Variants in PSD3 observed in about 807,000 individuals in gnomAD.
PSD3 encodes pleckstrin and Sec7 domain containing 3, also known as PH and SEC7 domain-containing protein 3.
PSD3 carries 49 observed loss-of-function variants against 105.5 expected under a neutral mutation model. The ratio of observed to expected loss-of-function variants is 0.46; its 90% CI spans 0.37 to 0.59. The LOEUF is 0.59. Among genes scored for constraint, PSD3 ranks in the 20% least tolerant of loss-of-function variants. The pLI is 0.00. For missense variants in PSD3, 1,561 were observed against 1,263.8 expected, an observed-to-expected ratio of 1.24 and a Z score of -3.57; for synonymous variants, 557 against 457.8, an observed-to-expected ratio of 1.22 and a Z score of -2.77.
At chr8:18,951,279 G>A (rs1225850021) in intron 1 of PSD3, among the ~76,000 whole-genome samples, 1 of 152,038 alleles carries the variant, frequency 6.6e-6, no homozygotes, top group Non-Finnish European at 1.5e-5. Flanking sequence ...CCTGTAACCT[G>A]TAGTCCCTGC....
chr8:18,696,110 G>T (rs1259343828), intron 9 of PSD3, among the ~76,000 whole-genome samples: 1 of 152,222 alleles, frequency 6.6e-6, no homozygotes, highest in Non-Finnish European at 1.5e-5. Flanking sequence ...CTGCATCTGA[G>T]GATGTGTCAA....
chr8:18,700,156 G>T (rs1801496820), intron 9 of PSD3, among the ~76,000 whole-genome samples: 1 of 152,114 alleles, frequency 6.6e-6, no homozygotes, highest in African/African-American at 2.4e-5. Flanking sequence ...TTTTGGGACT[G>T]TTGTATTAAC....
chr8:18,652,586 T>C (rs188370220), intron 10 of PSD3, among the ~76,000 whole-genome samples: 2 of 149,576 alleles, frequency 1.3e-5, no homozygotes, highest in Admixed American at 6.7e-5. Context: ...CAACCTCTGT[T>C]TCTTGGGTTC....
chr8:18,728,183 C>T (rs1378946583), intron 9 of PSD3, among the ~76,000 whole-genome samples: 4 of 152,184 alleles, frequency 2.6e-5, no homozygotes, highest in Non-Finnish European at 5.9e-5. Context: ...TCACTGATTT[C>T]TCTCTTCTCT....
At chr8:18,920,775 C>G (rs1324371453) in intron 2 of PSD3, among the ~76,000 whole-genome samples, 1 of 152,094 alleles carries the variant, frequency 6.6e-6, no homozygotes, top group Non-Finnish European at 1.5e-5. Flanking sequence ...TCTAGCATGC[C>G]TCATCACCAC....
intron 9 of PSD3, among the ~76,000 whole-genome samples, chr8:18,734,715 A>G (rs2129432465): frequency 6.6e-6 from 1 of 152,332 alleles, no homozygotes; most frequent in Non-Finnish European, 1.5e-5. Flanking sequence ...TGACTGGGTT[A>G]GAATATCTTC....
At chr8:18,807,152 A>T (rs1811274528) in intron 4 of PSD3, among the ~76,000 whole-genome samples, 1 of 152,212 alleles carries the variant, frequency 6.6e-6, no homozygotes, top group South Asian at 2.1e-4. Flanking sequence ...TCTAAGCAGA[A>T]CTGCTCCATC....
At chr8:18,800,179 A>C (rs1401748677) in intron 7 of PSD3, among the ~76,000 whole-genome samples, 1 of 152,220 alleles carries the variant, frequency 6.6e-6, no homozygotes. Context: ...TCACGAATCC[A>C]TATTTCTTAT....
chr8:18,809,545 G>T (rs922723670), intron 4 of PSD3, among the ~76,000 whole-genome samples: 1 of 152,186 alleles, frequency 6.6e-6, no homozygotes, highest in Non-Finnish European at 1.5e-5. Context: ...TCTAGTGTAA[G>T]TACGTCCCAA....
chr8:19,043,741 C>G (rs1377526196), intron 1 of PSD3, among the ~76,000 whole-genome samples: 1 of 152,142 alleles, frequency 6.6e-6, no homozygotes, highest in Non-Finnish European at 1.5e-5. Flanking sequence ...GCCATTTCCC[C>G]TTTTGCCACA....
chr8:18,959,414 C>T (rs994840797), intron 1 of PSD3, among the ~76,000 whole-genome samples: 4 of 152,130 alleles, frequency 2.6e-5, no homozygotes, highest in Admixed American at 2.6e-4. Flanking sequence ...ACCCGCTGTA[C>T]ACTTTACAGC....
At chr8:18,791,060 C>T (rs1183575413) in intron 8 of PSD3, among the ~76,000 whole-genome samples, 3 of 151,916 alleles carry the variant, frequency 2.0e-5, no homozygotes, top group Admixed American at 1.3e-4. Flanking sequence ...AACCACTGCT[C>T]AAAAAAATCA....
Position 18,814,400 on chromosome 8 carries a change from C to T in PSD3, c.1635-9502G>A, listed in dbSNP as rs979298530. Among the ~76,000 whole-genome samples the T allele has an allele frequency of 2.0e-5, 3 of 152,190 alleles. No homozygotes were observed. The East Asian group carries it at 5.8e-4, about 29-fold the overall frequency. ...GGGGAGTCTGCATTTGCTCCTGAGG[C>T]ACTGGCTTCCAACATAACAACTGTA... is the stretch of plus-strand genomic sequence containing the variant. On this transcript the variant is annotated intron_variant, in intron 4 of 15. Transcript: ENST00000327040.
intron 11 of PSD3, 105 bp from the exon 12 acceptor site, chr8:18,600,539 C>T: frequency 1.1e-6 from 1 of 939,858 alleles, no homozygotes; most frequent in Non-Finnish European, 1.6e-6. Flanking sequence ...TACCTAGCTA[C>T]CGAAAGTAAT....
chr8:18,875,600 G>C (rs181543776), intron 2 of PSD3, among the ~76,000 whole-genome samples: 56 of 151,734 alleles, frequency 3.7e-4, no homozygotes, highest in African/African-American at 1.3e-3. Context: ...GCAGTGGCGC[G>C]ATCTCGGCTC....
At position 18,843,631 on chromosome 8, in the gene PSD3, G is replaced by C. The variant is rs909497315; in HGVS notation, c.1634+24043C>G. Among the ~76,000 whole-genome samples, 15 of 152,024 alleles carry C rather than the reference G, an allele frequency of 9.9e-5. No individual in the cohort carries two copies. In the East Asian group the frequency reaches 2.9e-3, roughly 29 times the overall value. ...CCCCTGACCCAAGGGCATCAAAAAC[G>C]GTACAAAGAATAGAGAAGTAGAGAA... is the stretch of plus-strand genomic sequence containing the variant. On this transcript the variant is annotated intron_variant, in intron 4 of 15. Transcript: ENST00000327040.
At chr8:18,880,683 C>T (rs1052029624) in intron 2 of PSD3, among the ~76,000 whole-genome samples, 2 of 152,206 alleles carry the variant, frequency 1.3e-5, no homozygotes, top group African/African-American at 4.8e-5. Flanking sequence ...TGAGCTCTTA[C>T]ACCAAACTTG....
intron 4 of PSD3, among the ~76,000 whole-genome samples, chr8:18,856,585 AT>A (rs1325393879): frequency 2.0e-5 from 3 of 152,256 alleles, no homozygotes; most frequent in Non-Finnish European, 4.4e-5. Context: ...AATACATCTT[AT>A]TTTCTCTATA....
At chr8:18,719,052 G>T (rs1422720521) in intron 9 of PSD3, among the ~76,000 whole-genome samples, 1 of 152,158 alleles carries the variant, frequency 6.6e-6, no homozygotes, top group African/African-American at 2.4e-5. Flanking sequence ...TCCTAGATCA[G>T]GAGAATGAGG....
Sources: gnomAD v4.1 joint callset for allele counts (sites outside exome capture counted in the v4.1 genomes callset) on GRCh38, gnomAD v4.1.1 for gene constraint, MANE v1.5 for transcripts, NCBI Gene and HGNC (gene_info 2026-07-23, HGNC 2026-07-21) for gene names.